Variants in PCDH9 observed in about 807,000 individuals in gnomAD.
PCDH9 encodes the protein protocadherin 9.
In PCDH9, 24 loss-of-function variants were observed where a neutral mutation model predicts 70.6. That is an observed-to-expected ratio of 0.34 (90% CI 0.25 to 0.48). The LOEUF (loss-of-function observed/expected upper bound fraction) is 0.48, where lower values mean the gene tolerates loss of function less well. PCDH9 is among the 20% of genes least tolerant of loss of function. The pLI is 0.99. For missense variants in PCDH9, 1,281 were observed against 1,503.6 expected, an observed-to-expected ratio of 0.85 and a Z score of 2.45; for synonymous variants, 562 against 558.5, an observed-to-expected ratio of 1.01 and a Z score of -0.09.
chr13:66,795,767 G>A (rs1467915260), intron 3 of PCDH9, among the ~76,000 whole-genome samples: 1 of 152,120 alleles, frequency 6.6e-6, no homozygotes, highest in East Asian at 1.9e-4. Flanking sequence ...CATTACAGAT[G>A]GAGTGTTTGC....
chr13:66,470,637 A>G (rs1326276147), intron 4 of PCDH9, among the ~76,000 whole-genome samples: 1 of 152,000 alleles, frequency 6.6e-6, no homozygotes, highest in Non-Finnish European at 1.5e-5. Context: ...AAAAACCCTA[A>G]AAATGTGAAA....
intron 2 of PCDH9, among the ~76,000 whole-genome samples, chr13:66,983,662 T>A (rs1380070991): frequency 6.6e-6 from 1 of 152,116 alleles, no homozygotes; most frequent in African/African-American, 2.4e-5. Context: ...AAACTTTACT[T>A]CATAAACTCA....
intron 2 of PCDH9, among the ~76,000 whole-genome samples, chr13:66,937,918 A>G (rs2082943692): frequency 6.6e-6 from 1 of 151,990 alleles, no homozygotes; most frequent in Non-Finnish European, 1.5e-5. Flanking sequence ...TTCACGAATC[A>G]TTCATTGCTC....
At chr13:66,500,336 CA>C (rs1959170371) in intron 4 of PCDH9, among the ~76,000 whole-genome samples, 1 of 152,132 alleles carries the variant, frequency 6.6e-6, no homozygotes, top group Non-Finnish European at 1.5e-5. Context: ...CCATGTATAA[CA>C]CAGCATTATT....
intron 3 of PCDH9, among the ~76,000 whole-genome samples, chr13:66,818,896 T>C (rs1258499955): frequency 2.0e-5 from 3 of 150,536 alleles, no homozygotes; most frequent in Admixed American, 2.0e-4. Context: ...ATCGCGCCAC[T>C]GCACTCCAGC....
intron 3 of PCDH9, among the ~76,000 whole-genome samples, chr13:66,763,959 C>T (rs1221336652): frequency 2.0e-5 from 3 of 151,824 alleles, no homozygotes; most frequent in African/African-American, 7.3e-5. Context: ...CCACAACACT[C>T]GACTAATTGT....
intron 2 of PCDH9, among the ~76,000 whole-genome samples, chr13:67,047,826 G>A (rs1222357542): frequency 6.6e-6 from 1 of 152,092 alleles, no homozygotes; most frequent in Non-Finnish European, 1.5e-5. Flanking sequence ...ATGCCAAATT[G>A]GAAGGTTGAT....
At chr13:67,046,702 G>C (rs1378669097) in intron 2 of PCDH9, among the ~76,000 whole-genome samples, 1 of 151,866 alleles carries the variant, frequency 6.6e-6, no homozygotes, top group Non-Finnish European at 1.5e-5. Context: ...TGTGATAGAG[G>C]AAATGTAAAC....
chr13:66,573,113 T>C (rs933132914), intron 4 of PCDH9, among the ~76,000 whole-genome samples: 5 of 152,168 alleles, frequency 3.3e-5, no homozygotes, highest in African/African-American at 1.2e-4. Flanking sequence ...ATCTTTTTGA[T>C]GGTAGTCATT....
intron 4 of PCDH9, among the ~76,000 whole-genome samples, chr13:66,447,852 T>C (rs1418919213): frequency 6.6e-6 from 1 of 152,196 alleles, no homozygotes; most frequent in Admixed American, 6.5e-5. Context: ...ATCTTTGCCA[T>C]ATTGCAAATC....
chr13:67,124,483 G>A (rs894899358), intron 2 of PCDH9, among the ~76,000 whole-genome samples: 1 of 152,096 alleles, frequency 6.6e-6, no homozygotes, highest in Non-Finnish European at 1.5e-5. Context: ...GATTAGAAAG[G>A]CATGCTAAAA....
chr13:66,458,714 C>T (rs1171881222), intron 4 of PCDH9, among the ~76,000 whole-genome samples: 2 of 152,030 alleles, frequency 1.3e-5, no homozygotes, highest in Non-Finnish European at 2.9e-5. Flanking sequence ...ACCTAGAAGA[C>T]AAATGGTGAC....
At chr13:66,406,935 A>G (rs147740207) in intron 4 of PCDH9, among the ~76,000 whole-genome samples, 53 of 152,196 alleles carry the variant, frequency 3.5e-4, no homozygotes, top group Non-Finnish European at 6.5e-4. Context: ...AAAAATTTCT[A>G]TTTTCTCTGA....
chr13:67,152,879 A>T (rs2087698101), intron 2 of PCDH9, among the ~76,000 whole-genome samples: 1 of 152,166 alleles, frequency 6.6e-6, no homozygotes, highest in African/African-American at 2.4e-5. Context: ...GATGGTAATT[A>T]GAGGAATGAG....
intron 3 of PCDH9, among the ~76,000 whole-genome samples, chr13:66,685,234 C>T (rs2078383577): frequency 6.6e-6 from 1 of 152,132 alleles, no homozygotes; most frequent in South Asian, 2.1e-4. Context: ...GGCCTTGCTG[C>T]TTTTTGCAGT....
chr13:66,782,474 C>CT (rs2080014748), intron 3 of PCDH9, among the ~76,000 whole-genome samples: 1 of 151,996 alleles, frequency 6.6e-6, no homozygotes, highest in Non-Finnish European at 1.5e-5. Context: ...CATTTGAAAT[C>CT]TGACTAGTCT....
chr13:66,879,416 A>T (rs148583108), intron 3 of PCDH9, among the ~76,000 whole-genome samples: 1 of 152,272 alleles, frequency 6.6e-6, no homozygotes, highest in Non-Finnish European at 1.5e-5. Flanking sequence ...TAAAAAAAAC[A>T]ATATGCCTAG....
chr13:66,513,847 T>TC (rs938662703), intron 4 of PCDH9, among the ~76,000 whole-genome samples: 7 of 152,104 alleles, frequency 4.6e-5, no homozygotes, highest in Admixed American at 2.6e-4. Flanking sequence ...TTTTTTTTTT[T>TC]CTCTTACTCC....
intron 2 of PCDH9, among the ~76,000 whole-genome samples, chr13:67,059,163 T>C (rs1231022686): frequency 1.3e-5 from 2 of 151,794 alleles, no homozygotes; most frequent in African/African-American, 4.8e-5. Flanking sequence ...ATTTGCACAG[T>C]TGTTCACATA....
Sources: gnomAD v4.1 joint callset for allele counts (sites outside exome capture counted in the v4.1 genomes callset) on GRCh38, gnomAD v4.1.1 for gene constraint, MANE v1.5 for transcripts, NCBI Gene and HGNC (gene_info 2026-07-23, HGNC 2026-07-21) for gene names.